CLECL1: variants seen among roughly 807,000 people sequenced by gnomAD.
The protein encoded by CLECL1 is C-type lectin like 1, also known as C-type lectin-like domain family 1.
downstream of CLECL1, among the ~76,000 whole-genome samples, chr12:9,719,362 T>C (rs895125888): frequency 3.3e-5 from 5 of 151,994 alleles, no homozygotes; most frequent in Non-Finnish European, 7.4e-5. Flanking sequence ...CCGTCTCTAC[T>C]AAAAATACAA....
At chr12:9,711,955 C>T (rs2121031573), downstream of CLECL1, among the ~76,000 whole-genome samples, 1 of 152,196 alleles carries the variant, frequency 6.6e-6, no homozygotes, top group Middle Eastern at 3.4e-3. Context: ...CAAGCTTCTC[C>T]CTCAGTATTA....
At chr12:9,728,343 T>C (rs1866405689) in intron 2 of CLECL1, among the ~76,000 whole-genome samples, 1 of 151,984 alleles carries the variant, frequency 6.6e-6, no homozygotes, top group South Asian at 2.1e-4. Flanking sequence ...AGATACCATA[T>C]TCAGAATATA....
chr12:9,713,432 C>G (rs1273223834), downstream of CLECL1, among the ~76,000 whole-genome samples: 1 of 152,198 alleles, frequency 6.6e-6, no homozygotes, highest in Non-Finnish European at 1.5e-5. Flanking sequence ...ATGAACAATG[C>G]AATCTACAAA....
At position 9,724,144 on chromosome 12, in the gene CLECL1, G is replaced by A. The variant is rs773386516; in HGVS notation, n.263-1331C>T. 1.4e-4 allele frequency among the ~76,000 whole-genome samples: 20 copies of A among 146,394 alleles called. No homozygotes were observed. The Middle Eastern group carries it at 0.014, about 104-fold the overall frequency. Reference sequence around the variant, plus strand: ...AAAGGTTGCAATGAGCCCAGATCATGTCACACTGCACTCCAGCCAGGGTGA... The same window carrying A: ...AAAGGTTGCAATGAGCCCAGATCATATCACACTGCACTCCAGCCAGGGTGA... On this transcript the variant is annotated intron_variant and non_coding_transcript_variant, in intron 3 of 3. Coordinates refer to ENST00000621400, the Ensembl canonical transcript of CLECL1.
intron 3 of CLECL1, among the ~76,000 whole-genome samples, chr12:9,723,986 A>C (rs1363446269): frequency 6.6e-6 from 1 of 152,058 alleles, no homozygotes; most frequent in Non-Finnish European, 1.5e-5. Context: ...TCAGTTTGAG[A>C]CCAATCTGGC....
intron 3 of CLECL1, among the ~76,000 whole-genome samples, chr12:9,726,368 G>C (rs1344564154): frequency 1.3e-5 from 2 of 151,956 alleles, no homozygotes; most frequent in Non-Finnish European, 2.9e-5. Context: ...CAGTGAATGA[G>C]AGCAGATGAG....
chr12:9,717,034 T>C (rs963175019), intron 2 of CLECL1, among the ~76,000 whole-genome samples: 1 of 152,204 alleles, frequency 6.6e-6, no homozygotes, highest in South Asian at 2.1e-4. Flanking sequence ...AGTATTCTAG[T>C]GTCCATCCCT....
intron 2 of CLECL1, among the ~76,000 whole-genome samples, chr12:9,729,014 T>C (rs1645248614): frequency 6.6e-6 from 1 of 152,086 alleles, no homozygotes; most frequent in Non-Finnish European, 1.5e-5. Flanking sequence ...CTGTATATCA[T>C]CTCTGTTCTA....
chr12:9,718,425 G>A (rs1450509697), downstream of CLECL1, among the ~76,000 whole-genome samples: 6 of 150,986 alleles, frequency 4.0e-5, no homozygotes, highest in Admixed American at 2.6e-4. Flanking sequence ...AGCTACATTT[G>A]TGAGTTTGTC....
At chr12:9,717,291 T>C (rs527962222) in intron 2 of CLECL1, among the ~76,000 whole-genome samples, 1 of 152,228 alleles carries the variant, frequency 6.6e-6, no homozygotes, top group South Asian at 2.1e-4. Flanking sequence ...GCACCTATAA[T>C]GATGATGGCC....
chr12:9,706,870 A>G, the CLECL1 span, among the ~76,000 whole-genome samples: 5 of 152,168 alleles, frequency 3.3e-5, no homozygotes, highest in East Asian at 1.9e-4. Context: ...CCCTCATAGA[A>G]TGAGTTAGGG....
chr12:9,724,922 T>C (rs1866360493), intron 3 of CLECL1, among the ~76,000 whole-genome samples: 1 of 152,156 alleles, frequency 6.6e-6, no homozygotes, highest in South Asian at 2.1e-4. Flanking sequence ...GATAAAAATC[T>C]TGAAAACAGT....
chr12:9,726,817 C>T (rs1184645145), intron 3 of CLECL1, among the ~76,000 whole-genome samples: 1 of 151,808 alleles, frequency 6.6e-6, no homozygotes, highest in Non-Finnish European at 1.5e-5. Flanking sequence ...AGTGTTTTTG[C>T]TTTGGGGATA....
intron 1 of CLECL1, among the ~76,000 whole-genome samples, chr12:9,731,581 G>T (rs1047588233): frequency 6.6e-6 from 1 of 152,188 alleles, no homozygotes; most frequent in African/African-American, 2.4e-5. Flanking sequence ...GCGAAGTGAC[G>T]CATGAGAACA....
the CLECL1 span, among the ~76,000 whole-genome samples, chr12:9,704,800 C>G: frequency 6.6e-6 from 1 of 152,096 alleles, no homozygotes; most frequent in South Asian, 2.1e-4. Context: ...TTTTCTTTAT[C>G]CAGTCTATCG....
downstream of CLECL1, among the ~76,000 whole-genome samples, chr12:9,719,418 G>C (rs966922822): frequency 2.0e-5 from 3 of 152,088 alleles, no homozygotes; most frequent in Non-Finnish European, 4.4e-5. Flanking sequence ...CCCAGCTACT[G>C]GGGAGGCTGA....
chr12:9,708,440 C>T, the CLECL1 span, among the ~76,000 whole-genome samples: 18 of 152,252 alleles, frequency 1.2e-4, no homozygotes, highest in East Asian at 2.9e-3. Context: ...GCTTCTGAAA[C>T]GCCTTTTCAG....
downstream of CLECL1, chr12:9,722,554 C>T: frequency 1.3e-6 from 2 of 1,496,320 alleles, no homozygotes; most frequent in Non-Finnish European, 1.8e-6. Context: ...GAAGTTGAAA[C>T]TTCTTTTCAC....
intron 3 of CLECL1, among the ~76,000 whole-genome samples, chr12:9,725,269 A>G (rs1866364611): frequency 6.6e-6 from 1 of 152,186 alleles, no homozygotes; most frequent in Admixed American, 6.5e-5. Context: ...GCATAAAAGT[A>G]TAAGGTAATC....
Sources: gnomAD v4.1 joint callset for allele counts (sites outside exome capture counted in the v4.1 genomes callset) on GRCh38, gnomAD v4.1.1 for gene constraint, MANE v1.5 for transcripts, NCBI Gene and HGNC (gene_info 2026-07-23, HGNC 2026-07-21) for gene names.